The following DLG2 variants were observed in gnomAD, a reference collection of about 807,000 sequenced individuals.
The protein encoded by DLG2 is disks large homolog 2.
DLG2 carries 45 observed loss-of-function variants against 132.5 expected under a neutral mutation model. The observed-to-expected ratio is 0.34, with a 90% CI of 0.27 to 0.44. DLG2 has a LOEUF of 0.44. Ranked by LOEUF, DLG2 falls within the 20% of genes least tolerant of loss-of-function variation. The pLI is 1.00. For missense variants in DLG2, 1,045 were observed against 1,196.9 expected (o/e 0.87, Z 1.87); for synonymous variants, 424 against 419.6 (o/e 1.01, Z -0.13).
rs35459428 is a variant in DLG2, at chr11:84,163,108, G to A, written c.624+353C>T. The stretch of plus-strand genomic sequence containing the variant: ...TAACTATAATTATGATGATAGTATC[G>A]ATATCACACAAATGAAAACATCTTG... On this transcript the variant is annotated intron_variant, in intron 9 of 27. Coordinates refer to ENST00000376104, the MANE Select transcript of DLG2 (RefSeq NM_001142699.3). 6.1e-3 allele frequency among the ~76,000 whole-genome samples: 923 copies of A among 152,156 alleles called. 11 individuals carry two copies. The highest frequency in any genetic ancestry group is 0.01 in the Non-Finnish European group (688 of 67,968).
At chr11:84,277,897 A>T (rs2097798428) in intron 7 of DLG2, among the ~76,000 whole-genome samples, 1 of 152,120 alleles carries the variant, frequency 6.6e-6, no homozygotes, top group Non-Finnish European at 1.5e-5. Context: ...CTAATAAGGA[A>T]ATCTTTATGT....
chr11:83,757,327 A>G (rs1455228657), intron 18 of DLG2, among the ~76,000 whole-genome samples: 2 of 152,198 alleles, frequency 1.3e-5, no homozygotes, highest in Admixed American at 1.3e-4. Context: ...ATATATTTCA[A>G]ACAATTTAAA....
At position 83,837,246 on chromosome 11, in the gene DLG2, T is replaced by C. The variant is rs2056438791; in HGVS notation, c.1566-3476A>G. 2.0e-5 allele frequency among the ~76,000 whole-genome samples: 3 copies of C among 152,184 alleles called. No individual in the cohort carries two copies. The Middle Eastern group carries it at 0.01, about 518-fold the overall frequency. On this transcript the variant is annotated intron_variant, in intron 16 of 27. Transcript: ENST00000376104. Reference sequence around the variant, plus strand: ...CCCATCAATATTAGGAGTAGGGGAATGGAATGCCAACTAACGCCACCTCAT... The same window carrying C: ...CCCATCAATATTAGGAGTAGGGGAACGGAATGCCAACTAACGCCACCTCAT...
chr11:83,577,558 G>T (rs1593579900), intron 19 of DLG2, among the ~76,000 whole-genome samples: 3 of 26,840 alleles, frequency 1.1e-4, no homozygotes, highest in African/African-American at 3.3e-4. Context: ...AGAATTAATA[G>T]AATATATATA....
chr11:85,372,921 A>G (rs1450709184), intron 3 of DLG2, among the ~76,000 whole-genome samples: 1 of 152,198 alleles, frequency 6.6e-6, no homozygotes, highest in African/African-American at 2.4e-5. Flanking sequence ...ACTCACCTTC[A>G]GTCTGTACCC....
At chr11:85,595,665 T>C (rs375764488) in intron 3 of DLG2, among the ~76,000 whole-genome samples, 2 of 152,204 alleles carry the variant, frequency 1.3e-5, no homozygotes, top group African/African-American at 2.4e-5. Flanking sequence ...ACAGGGACTC[T>C]AGAAGAAAGG....
At chr11:85,321,339 G>A (rs995765743) in intron 3 of DLG2, among the ~76,000 whole-genome samples, 9 of 152,000 alleles carry the variant, frequency 5.9e-5, no homozygotes, top group African/African-American at 2.2e-4. Context: ...TGCTTGTAAG[G>A]TATTCCAAGG....
At chr11:84,502,784 A>G (rs1442183239) in intron 7 of DLG2, among the ~76,000 whole-genome samples, 2 of 152,108 alleles carry the variant, frequency 1.3e-5, no homozygotes, top group African/African-American at 2.4e-5. Context: ...CCAGCCCTTT[A>G]AGGATCTTAC....
intron 6 of DLG2, among the ~76,000 whole-genome samples, chr11:84,927,647 C>T (rs2154089039): frequency 6.6e-6 from 1 of 152,096 alleles, no homozygotes; most frequent in African/African-American, 2.4e-5. Flanking sequence ...ACAGACATTA[C>T]ATAGTGTGTT....
At chr11:84,275,865 C>T (rs560095070) in intron 7 of DLG2, among the ~76,000 whole-genome samples, 4 of 152,206 alleles carry the variant, frequency 2.6e-5, no homozygotes, top group Admixed American at 6.5e-5. Flanking sequence ...TTAGGGCAGG[C>T]TCATGGAAGA....
At chr11:84,101,189 T>TAGG (rs2092487550) in intron 9 of DLG2, among the ~76,000 whole-genome samples, 1 of 152,062 alleles carries the variant, frequency 6.6e-6, no homozygotes, top group African/African-American at 2.4e-5. Flanking sequence ...TAGGAGTGGG[T>TAGG]AGGAGAACCA....
intron 8 of DLG2, among the ~76,000 whole-genome samples, chr11:84,207,708 T>C (rs1299608060): frequency 2.0e-5 from 3 of 152,146 alleles, no homozygotes; most frequent in African/African-American, 7.2e-5. Flanking sequence ...ATTTTTAAAA[T>C]TCTTTGTGAT....
rs546854777 is a variant in DLG2, at chr11:85,364,902, T to C, written c.41-79537A>G. 1.6e-4 allele frequency among the ~76,000 whole-genome samples: 24 copies of C among 152,106 alleles called. 2 individuals are homozygous for C. In the South Asian group the frequency reaches 4.4e-3, roughly 28 times the overall value. The stretch of plus-strand genomic sequence containing the variant: ...TTTTTTTTGGTTCAGAGTTGGTACA[T>C]TGTTTAACCACCATGTATCACCAAA... On this transcript the variant is annotated intron_variant, in intron 3 of 27. Transcript: ENST00000376104.
At chr11:83,826,511 T>C (rs1051109160) in intron 17 of DLG2, among the ~76,000 whole-genome samples, 18 of 152,174 alleles carry the variant, frequency 1.2e-4, no homozygotes, top group African/African-American at 4.1e-4. Flanking sequence ...TGTGTCTAGA[T>C]GCAGTGGGTT....
At chr11:85,229,763 G>A (rs1184113716) in intron 4 of DLG2, among the ~76,000 whole-genome samples, 1 of 152,036 alleles carries the variant, frequency 6.6e-6, no homozygotes, top group East Asian at 1.9e-4. Flanking sequence ...ATGATAGACT[G>A]GATAAAGAAT....
At chr11:84,311,891 T>G (rs2098291378) in intron 7 of DLG2, among the ~76,000 whole-genome samples, 1 of 152,180 alleles carries the variant, frequency 6.6e-6, no homozygotes, top group African/African-American at 2.4e-5. Flanking sequence ...GCTCAAAAAT[T>G]TCTCTCTTTT....
At chr11:84,335,257 AGAGGGAGGAAGG>A (rs1189004187) in intron 7 of DLG2, among the ~76,000 whole-genome samples, 1 of 151,054 alleles carries the variant, frequency 6.6e-6, no homozygotes, top group Non-Finnish European at 1.5e-5. Flanking sequence ...ATGAAGGAAC[AGAGGGAGGAAGG>A]GAGGGAGGGA....
chr11:84,682,440 T>A (rs577912541), intron 6 of DLG2, among the ~76,000 whole-genome samples: 1 of 152,312 alleles, frequency 6.6e-6, no homozygotes, highest in East Asian at 1.9e-4. Flanking sequence ...TGGTTCTCTC[T>A]CAACACAGGC....
intron 6 of DLG2, among the ~76,000 whole-genome samples, chr11:84,573,060 A>G (rs987430641): frequency 2.6e-5 from 4 of 152,184 alleles, no homozygotes; most frequent in Non-Finnish European, 5.9e-5. Flanking sequence ...TACTTGACAT[A>G]TATTTGTGAG....
Sources: allele counts gnomAD v4.1 joint callset (sites outside exome capture counted in the v4.1 genomes callset), GRCh38; gene constraint gnomAD v4.1.1; transcripts MANE v1.5; gene names NCBI Gene and HGNC (gene_info 2026-07-23, HGNC 2026-07-21).